The following KCND3 variants were observed in gnomAD, a reference collection of about 807,000 sequenced individuals.
The protein encoded by KCND3 is potassium voltage-gated channel subfamily D member 3, also known as A-type voltage-gated potassium channel KCND3.
KCND3 carries 9 observed loss-of-function variants against 51.1 expected under a neutral mutation model. The observed-to-expected ratio is 0.18, with a 90% CI of 0.11 to 0.31. The LOEUF is 0.31. Ranked by LOEUF, KCND3 falls within the 10% of genes least tolerant of loss-of-function variation. The probability of loss-of-function intolerance (pLI) is 1.00; values close to 1 mark genes in which losing one functional copy is unlikely to be tolerated. For synonymous variants in KCND3, 349 were observed against 368.0 expected (o/e 0.95, Z 0.59); for missense variants, 526 against 903.8 (o/e 0.58, Z 5.36).
chr1:111,905,317 G>A (rs1264771061), intron 2 of KCND3, among the ~76,000 whole-genome samples: 2 of 152,186 alleles, frequency 1.3e-5, no homozygotes, highest in Non-Finnish European at 2.9e-5. Flanking sequence ...CCAGGCAGCA[G>A]GGAAATAATA....
chr1:111,897,145 G>T (rs1485819351), intron 2 of KCND3, among the ~76,000 whole-genome samples: 1 of 152,218 alleles, frequency 6.6e-6, no homozygotes, highest in Admixed American at 6.5e-5. Context: ...TTCCTACAGC[G>T]CTGGCCCTGC....
At chr1:111,980,319 T>C (rs1391966317) in intron 2 of KCND3, among the ~76,000 whole-genome samples, 1 of 151,740 alleles carries the variant, frequency 6.6e-6, no homozygotes, top group Non-Finnish European at 1.5e-5. Context: ...AATGTGGCCT[T>C]CACAAATGGA....
chr1:111,942,123 T>C (rs767654025), intron 2 of KCND3, among the ~76,000 whole-genome samples: 8 of 152,146 alleles, frequency 5.3e-5, no homozygotes, highest in Non-Finnish European at 1.2e-4. Flanking sequence ...ATAATGGAAA[T>C]AGCACATGTT....
intron 2 of KCND3, among the ~76,000 whole-genome samples, chr1:111,858,849 G>A (rs1668210656): frequency 6.6e-6 from 1 of 152,182 alleles, no homozygotes; most frequent in African/African-American, 2.4e-5. Context: ...CCTGCCCCCA[G>A]GCTGGTCCTG....
chr1:111,895,227 G>A (rs1670048845), intron 2 of KCND3, among the ~76,000 whole-genome samples: 1 of 151,554 alleles, frequency 6.6e-6, no homozygotes, highest in African/African-American at 2.4e-5. Context: ...AGAGGGAGGA[G>A]GGAAGGATGA....
chr1:111,866,197 T>C (rs529066748), intron 2 of KCND3, among the ~76,000 whole-genome samples: 35 of 151,998 alleles, frequency 2.3e-4, no homozygotes, highest in African/African-American at 7.7e-4. Flanking sequence ...GTTTCATTGA[T>C]TTTCTTTCTT....
chr1:111,868,403 C>A (rs755912203), intron 2 of KCND3, among the ~76,000 whole-genome samples: 14 of 151,936 alleles, frequency 9.2e-5, no homozygotes, highest in Non-Finnish European at 1.9e-4. Flanking sequence ...GGCCCCAAAA[C>A]ACCCAAAACA....
At chr1:111,936,029 C>T (rs1321913869) in intron 2 of KCND3, among the ~76,000 whole-genome samples, 1 of 152,198 alleles carries the variant, frequency 6.6e-6, no homozygotes, top group African/African-American at 2.4e-5. Flanking sequence ...ATGCAGAAAA[C>T]ATGGAAATAT....
chr1:111,959,910 C>CATGGGG (rs1673546525), intron 2 of KCND3, among the ~76,000 whole-genome samples: 1 of 152,082 alleles, frequency 6.6e-6, no homozygotes, highest in Admixed American at 6.5e-5. Flanking sequence ...GTAATTGAAT[C>CATGGGG]ATGGGGGTGG....
chr1:111,824,632 C>T (rs1249596943), intron 2 of KCND3, among the ~76,000 whole-genome samples: 7 of 152,036 alleles, frequency 4.6e-5, no homozygotes, highest in African/African-American at 7.3e-5. Context: ...TCTTAAAGCT[C>T]GAAACTTACA....
chr1:111,892,565 C>A (rs1281649857), intron 2 of KCND3, among the ~76,000 whole-genome samples: 1 of 152,206 alleles, frequency 6.6e-6, no homozygotes, highest in African/African-American at 2.4e-5. Flanking sequence ...GTGAACAAGA[C>A]AGACCAGGCT....
chr1:111,886,405 T>C (rs1202034909), intron 2 of KCND3, among the ~76,000 whole-genome samples: 2 of 152,172 alleles, frequency 1.3e-5, no homozygotes, highest in Non-Finnish European at 2.9e-5. Context: ...CTGGAAACCA[T>C]GAAAAATATG....
In KCND3 at chr1:111,787,189, G is replaced by GTTTA. The variant is rs1334815406; in HGVS notation, c.1107-87_1107-84dup. 2.2e-6 allele frequency: 3 copies of GTTTA among 1,380,788 alleles called. No homozygotes were observed. In the African/African-American group the frequency reaches 4.3e-5, roughly 20 times the overall value. The allele number at this position is 1,380,788 out of a possible 1,614,324, so 85.5% of individuals were successfully genotyped here. ...AGGCTTCCCTGCCAATCATTCACCTGTTTATTCATTCATTCATTCAGCAAT... is the reference window on the plus strand; with the variant it reads ...AGGCTTCCCTGCCAATCATTCACCTGTTTATTTATTCATTCATTCATTCAGCAAT... On this transcript the variant is annotated intron_variant, in intron 2 of 7. Coordinates refer to ENST00000302127, the MANE Select transcript of KCND3 (RefSeq NM_001378969.1).
chr1:111,830,371 T>C (rs1241051904), intron 2 of KCND3, among the ~76,000 whole-genome samples: 1 of 152,242 alleles, frequency 6.6e-6, no homozygotes, highest in Non-Finnish European at 1.5e-5. Flanking sequence ...CACTCATTCA[T>C]GACTTTGTAT....
At chr1:111,966,312 T>C (rs1673980928) in intron 2 of KCND3, among the ~76,000 whole-genome samples, 1 of 152,014 alleles carries the variant, frequency 6.6e-6, no homozygotes, top group Non-Finnish European at 1.5e-5. Flanking sequence ...TGTAATAAAA[T>C]ACTGGGGGTG....
intron 2 of KCND3, among the ~76,000 whole-genome samples, chr1:111,879,864 G>A (rs1336308337): frequency 6.6e-6 from 1 of 152,186 alleles, no homozygotes; most frequent in Non-Finnish European, 1.5e-5. Flanking sequence ...TAGTGTGGTG[G>A]CGGTGGGGTG....
rs1671725894 is a variant in KCND3, at chr1:111,926,869, A to G, written c.1106+54752T>C. ...TAATTCTTGAAAGCTGACCTGCTTT[A>G]GGAAGTGCTCCCTTTGGAAGATGCC... is the stretch of plus-strand genomic sequence containing the variant. On this transcript the variant is annotated intron_variant, in intron 2 of 7. Transcript: ENST00000302127. Among the ~76,000 whole-genome samples, 8 of 152,368 alleles carry G rather than the reference A, an allele frequency of 5.3e-5. No homozygotes were observed. The South Asian group carries it at 1.7e-3, about 32-fold the overall frequency.
At chr1:111,946,223 A>G (rs912459463) in intron 2 of KCND3, among the ~76,000 whole-genome samples, 2 of 152,352 alleles carry the variant, frequency 1.3e-5, no homozygotes, top group Admixed American at 1.3e-4. Flanking sequence ...GAGGTGACTC[A>G]TAATGTCCTG....
Position 111,774,584 on chromosome 1 carries a change from C to T in KCND3, c.*1493G>A, listed in dbSNP as rs1664034012. Reference sequence around the variant, plus strand: ...TTGCACAGAGGTGATGAGGCTTCTCCCCCATTTCAGCATCTTCAGGGAGAT... The same window carrying T: ...TTGCACAGAGGTGATGAGGCTTCTCTCCCATTTCAGCATCTTCAGGGAGAT... On this transcript the variant is annotated 3_prime_UTR_variant, in exon 8 of 8. Transcript: ENST00000302127. The T allele has an allele frequency of 6.6e-6, 1 of 152,242 alleles. No individual in the cohort carries two copies. 9.4% of individuals were successfully genotyped at this position (152,242 alleles called of 1,614,324 possible).
Sources: allele counts gnomAD v4.1 joint callset (sites outside exome capture counted in the v4.1 genomes callset), GRCh38; gene constraint gnomAD v4.1.1; transcripts MANE v1.5; gene names NCBI Gene and HGNC (gene_info 2026-07-23, HGNC 2026-07-21).